NCAM2: variants seen among roughly 807,000 people sequenced by gnomAD.
The protein encoded by NCAM2 is N-CAM-2.
A neutral mutation model predicts 98.1 loss-of-function variants in NCAM2; 30 were observed. The observed-to-expected ratio is 0.31, with a 90% CI of 0.23 to 0.41. NCAM2 has a LOEUF of 0.41. Ranked by LOEUF, NCAM2 falls within the 10% of genes least tolerant of loss-of-function variation. The pLI is 1.00. For synonymous variants in NCAM2, 368 were observed against 342.4 expected, an observed-to-expected ratio of 1.07 and a Z score of -0.83; for missense variants, 867 against 1,005.8, an observed-to-expected ratio of 0.86 and a Z score of 1.87.
intron 15 of NCAM2, among the ~76,000 whole-genome samples, chr21:21,499,654 A>G (rs569871291): frequency 1.2e-4 from 19 of 152,216 alleles, no homozygotes; most frequent in Non-Finnish European, 2.5e-4. Context: ...GCAACAAGTA[A>G]CAAGAAGCTA....
At chr21:21,050,579 G>T (rs1036698352) in intron 1 of NCAM2, among the ~76,000 whole-genome samples, 2 of 152,138 alleles carry the variant, frequency 1.3e-5, no homozygotes, top group African/African-American at 4.8e-5. Flanking sequence ...TGTCCTGCCA[G>T]AATGGAAGAT....
At chr21:21,527,022 T>G (rs1301018325) in intron 16 of NCAM2, among the ~76,000 whole-genome samples, 1 of 152,062 alleles carries the variant, frequency 6.6e-6, no homozygotes, top group Non-Finnish European at 1.5e-5. Flanking sequence ...ATAAAACTAC[T>G]AGAATAAAAC....
intron 10 of NCAM2, among the ~76,000 whole-genome samples, chr21:21,417,703 T>C (rs966726008): frequency 2.0e-5 from 3 of 152,042 alleles, no homozygotes; most frequent in Non-Finnish European, 4.4e-5. Context: ...AAGGTTAACT[T>C]AATTATGGAT....
chr21:21,130,807 A>T (rs542945934), intron 1 of NCAM2, among the ~76,000 whole-genome samples: 1 of 152,274 alleles, frequency 6.6e-6, no homozygotes, highest in South Asian at 2.1e-4. Flanking sequence ...TTTCTGGGTG[A>T]ATATTTAAAA....
intron 1 of NCAM2, among the ~76,000 whole-genome samples, chr21:21,141,353 A>T (rs1226851711): frequency 6.6e-6 from 1 of 152,108 alleles, no homozygotes; most frequent in Non-Finnish European, 1.5e-5. Context: ...TCTTTGCTAG[A>T]TCCATTAATT....
intron 1 of NCAM2, among the ~76,000 whole-genome samples, chr21:21,143,529 G>C (rs368993431): frequency 6.6e-6 from 1 of 152,106 alleles, no homozygotes; most frequent in African/African-American, 2.4e-5. Context: ...AAGTTGACCA[G>C]ATTTTCCTCT....
At position 21,501,224 on chromosome 21, in the gene NCAM2, CACA is replaced by C. The variant is rs1987608032; in HGVS notation, c.2078-7622_2078-7620del. ...TTGGTAGACTGCTTGCCTAACATAACACAACAAGAAGCGTTGTATAAATCTCAG... is the reference window on the plus strand; with the variant it reads ...TTGGTAGACTGCTTGCCTAACATAACACAAGAAGCGTTGTATAAATCTCAG... On this transcript the variant is annotated intron_variant, in intron 15 of 17. Coordinates refer to ENST00000400546, the MANE Select transcript of NCAM2 (RefSeq NM_004540.5). 3.9e-5 allele frequency among the ~76,000 whole-genome samples: 6 copies of C among 152,062 alleles called. No individual in the cohort carries two copies. The South Asian group carries it at 1.0e-3, about 26-fold the overall frequency.
At chr21:21,535,164 C>A (rs1569145183) in intron 17 of NCAM2, among the ~76,000 whole-genome samples, 1 of 151,942 alleles carries the variant, frequency 6.6e-6, no homozygotes, top group African/African-American at 2.4e-5. Flanking sequence ...GGTTTCCATT[C>A]TTGATGTTAT....
chr21:21,064,969 C>T (rs1398836298), intron 1 of NCAM2, among the ~76,000 whole-genome samples: 1 of 152,050 alleles, frequency 6.6e-6, no homozygotes, highest in Non-Finnish European at 1.5e-5. Context: ...CACCTGAGGT[C>T]AGGAGTTCAA....
chr21:21,056,778 C>A (rs946257799), intron 1 of NCAM2, among the ~76,000 whole-genome samples: 2 of 151,836 alleles, frequency 1.3e-5, no homozygotes, highest in Non-Finnish European at 2.9e-5. Context: ...TTTAAAATTG[C>A]AAATAAATAT....
chr21:21,071,135 G>C (rs550845704), intron 1 of NCAM2, among the ~76,000 whole-genome samples: 1 of 152,084 alleles, frequency 6.6e-6, no homozygotes, highest in Admixed American at 6.6e-5. Context: ...GTGTTTTCAC[G>C]AAAAACTGAT....
In NCAM2 at chr21:21,063,050, T is replaced by C. The variant is rs146932354; in HGVS notation, c.55+64432T>C. 1.7e-3 allele frequency among the ~76,000 whole-genome samples: 264 copies of C among 152,202 alleles called. 1 individual carries two copies. The highest frequency in any genetic ancestry group is 6.1e-3 in the African/African-American group (255 of 41,538). ...CACAAAACAAAAAATCTGAGTAGTT[T>C]TCTGCTAGTACAAAGTCCATCTTAC... On this transcript the variant is annotated intron_variant, in intron 1 of 17. Transcript: ENST00000400546.
chr21:21,046,784 AG>A (rs879859443), intron 1 of NCAM2, among the ~76,000 whole-genome samples: 1 of 152,210 alleles, frequency 6.6e-6, no homozygotes, highest in Non-Finnish European at 1.5e-5. Flanking sequence ...AATGTCTGAA[AG>A]GACATGAGCA....
intron 12 of NCAM2, among the ~76,000 whole-genome samples, chr21:21,439,892 C>T (rs900536561): frequency 6.6e-6 from 1 of 152,152 alleles, no homozygotes; most frequent in Non-Finnish European, 1.5e-5. Context: ...CGTGTATGTT[C>T]ATTCATATAC....
chr21:21,042,384 A>G (rs796595632), intron 1 of NCAM2, among the ~76,000 whole-genome samples: 2 of 152,090 alleles, frequency 1.3e-5, no homozygotes, highest in African/African-American at 2.4e-5. Flanking sequence ...GGGTTTCTCT[A>G]TGTTGGTCAG....
chr21:21,495,478 T>C (rs764893504), intron 15 of NCAM2, among the ~76,000 whole-genome samples: 7 of 151,998 alleles, frequency 4.6e-5, no homozygotes, highest in Non-Finnish European at 1.0e-4. Flanking sequence ...TTCCAAACCA[T>C]TGTGACGATT....
chr21:21,449,001 G>A (rs1372165632), intron 12 of NCAM2, among the ~76,000 whole-genome samples: 2 of 151,886 alleles, frequency 1.3e-5, no homozygotes, highest in Non-Finnish European at 2.9e-5. Flanking sequence ...AAGTATACAG[G>A]CACTAAGCTA....
intron 1 of NCAM2, among the ~76,000 whole-genome samples, chr21:21,050,136 C>CA (rs11412654): frequency 0.24 from 33,307 of 137,858 alleles, 3,732 homozygotes; most frequent in Non-Finnish European, 0.29. Flanking sequence ...CTGTAAAGTG[C>CA]AAAAAAAAAA....
At chr21:21,194,900 A>G (rs1229201507) in intron 1 of NCAM2, among the ~76,000 whole-genome samples, 1 of 152,108 alleles carries the variant, frequency 6.6e-6, no homozygotes, top group Non-Finnish European at 1.5e-5. Context: ...TTTGACCAAC[A>G]TTTCCCCATT....
Sources: gnomAD v4.1 joint callset for allele counts (sites outside exome capture counted in the v4.1 genomes callset) on GRCh38, gnomAD v4.1.1 for gene constraint, MANE v1.5 for transcripts, NCBI Gene and HGNC (gene_info 2026-07-23, HGNC 2026-07-21) for gene names.